LOXHD1: variants seen among roughly 807,000 people sequenced by gnomAD.
LOXHD1 encodes lipoxygenase homology domain-containing protein 1.
Under a neutral mutation model 248.2 loss-of-function variants are expected in LOXHD1, and 205 were observed. The observed-to-expected ratio is 0.83, with a 90% CI of 0.74 to 0.93. LOXHD1 has a LOEUF of 0.93. LOXHD1 is among the 40% of genes least tolerant of loss of function. The pLI is 0.00. For synonymous variants in LOXHD1, 1,113 were observed against 1,162.8 expected, an observed-to-expected ratio of 0.96 and a Z score of 0.87; for missense variants, 2,930 against 2,971.6, an observed-to-expected ratio of 0.99 and a Z score of 0.33.
chr18:46,538,180 C>T lies in LOXHD1; in HGVS notation c.4071G>A (p.Lys1357=). 6.5e-7 allele frequency: 1 copy of T among 1,532,956 alleles called. No individual in the cohort carries two copies. The highest frequency in any genetic ancestry group is 8.8e-7 in the Non-Finnish European group (1 of 1,131,034). The allele number at this position is 1,532,956 out of a possible 1,614,324, so 95.0% of individuals were successfully genotyped here. Residue 1357 remains lysine, a synonymous_variant, in exon 26 of 41, where the codon AAG becomes AAA. Coordinates refer to ENST00000642948, the MANE Select transcript of LOXHD1 (RefSeq NM_001384474.1). ...KREQKQFFER[K]SASRFIVELE... ...CCTCTACGATGAAGCGGGAGGCAGA[C>T]TTCCTCTCAAAGAACTGCTTCTGTT...
At chr18:46,536,969 A>G (rs2036340420) in intron 26 of LOXHD1, among the ~76,000 whole-genome samples, 1 of 152,102 alleles carries the variant, frequency 6.6e-6, no homozygotes, top group Non-Finnish European at 1.5e-5. Context: ...GTCTTGCTTC[A>G]TTATTGCCAT....
chr18:46,490,083 G>T (rs1326580978), intron 37 of LOXHD1, among the ~76,000 whole-genome samples: 1 of 152,206 alleles, frequency 6.6e-6, no homozygotes, highest in Non-Finnish European at 1.5e-5. Context: ...TGTGACAGCT[G>T]CATGCTCTTT....
At chr18:46,604,377 A>G (rs2038383102) in intron 6 of LOXHD1, 148 bp from the exon 7 acceptor site, 1 of 1,102,572 alleles carries the variant, frequency 9.1e-7, no homozygotes, top group Non-Finnish European at 1.3e-6. Context: ...TCACAAGGAC[A>G]CAACTGTGTC....
At chr18:46,529,785 T>C (rs1282066732) in intron 28 of LOXHD1, among the ~76,000 whole-genome samples, 1 of 152,116 alleles carries the variant, frequency 6.6e-6, no homozygotes, top group African/African-American at 2.4e-5. Context: ...GAAAATATTT[T>C]GTAAAGAACA....
At chr18:46,617,955 C>G (rs949505372) in intron 5 of LOXHD1, among the ~76,000 whole-genome samples, 3 of 152,164 alleles carry the variant, frequency 2.0e-5, no homozygotes, top group Non-Finnish European at 4.4e-5. Context: ...TTGCAATCAA[C>G]CCACACACCA....
At chr18:46,611,677 A>G (rs1364776414) in intron 5 of LOXHD1, among the ~76,000 whole-genome samples, 1 of 152,190 alleles carries the variant, frequency 6.6e-6, no homozygotes, top group Non-Finnish European at 1.5e-5. Context: ...TACAGAAAAT[A>G]ATATAAGACA....
chr18:46,577,583 T>C, intron 14 of LOXHD1, 124 bp downstream of exon 14: 1 of 1,132,744 alleles, frequency 8.8e-7, no homozygotes, highest in Non-Finnish European at 1.2e-6. Flanking sequence ...ACCTCTTTCT[T>C]GCACCAGCTA....
intron 12 of LOXHD1, among the ~76,000 whole-genome samples, chr18:46,588,187 G>A (rs968636589): frequency 1.3e-5 from 2 of 151,944 alleles, no homozygotes; most frequent in Non-Finnish European, 2.9e-5. Flanking sequence ...TTGTAGAGGT[G>A]AGTGAGGACA....
In LOXHD1 at chr18:46,545,395, T is replaced by A; in HGVS notation, c.3541A>T (p.Ile1181Leu). The stretch of plus-strand genomic sequence containing the variant: ...GCATTCTTCTTAACCCCAGTCTTTA[T>A]GGTCACTGAGAATGTGGTAGATTTA... ...KDKSTTFSVT[I>L]KTGVKKNAGT... Residue 1181 changes from isoleucine (I) to leucine (L), a missense_variant, in exon 23 of 41, where the codon ATA (isoleucine) becomes TTA (leucine). Physicochemically the swap from Ile to Leu is conservative, Grantham distance 5 (BLOSUM62 2). Transcript: ENST00000642948. 6.4e-7 allele frequency: 1 copy of A among 1,552,054 alleles called. No homozygotes were observed. The highest frequency in any genetic ancestry group is 8.7e-7 in the Non-Finnish European group (1 of 1,146,952).
At position 46,600,437 on chromosome 18, in the gene LOXHD1, A is replaced by G. The variant is rs544946937; in HGVS notation, c.1134+780T>C. On this transcript the variant is annotated intron_variant, in intron 8 of 40. Transcript: ENST00000642948. The stretch of plus-strand genomic sequence containing the variant: ...AACATGGTGAAACCCCATCTCTACT[A>G]AAAATACAAAATTAGCCAGGCATGG... 1.2e-4 allele frequency among the ~76,000 whole-genome samples: 18 copies of G among 152,206 alleles called. No homozygotes were observed. In the East Asian group the frequency reaches 3.3e-3, roughly 28 times the overall value.
At chr18:46,588,409 T>C (rs753354525) in intron 12 of LOXHD1, among the ~76,000 whole-genome samples, 41 of 152,276 alleles carry the variant, frequency 2.7e-4, no homozygotes, top group Non-Finnish European at 4.3e-4. Flanking sequence ...GATTTTTTAA[T>C]AGCATCACAG....
At chr18:46,547,661 G>T (rs1031772071) in intron 21 of LOXHD1, among the ~76,000 whole-genome samples, 2 of 152,096 alleles carry the variant, frequency 1.3e-5, no homozygotes, top group Non-Finnish European at 2.9e-5. Flanking sequence ...GGGATGGGAG[G>T]CACAGTGGGG....
intron 17 of LOXHD1, among the ~76,000 whole-genome samples, chr18:46,564,121 C>T (rs1039347450): frequency 6.6e-5 from 10 of 151,010 alleles, no homozygotes; most frequent in South Asian, 2.1e-4. Flanking sequence ...TGTGTGTGCA[C>T]GCACACACGC....
intron 27 of LOXHD1, chr18:46,533,780 G>C (rs2036183988): frequency 3.5e-6 from 1 of 286,150 alleles, no homozygotes; most frequent in South Asian, 3.0e-5. Context: ...ATAAAAATTA[G>C]TCGGGCGTGG....
chr18:46,550,139 C>A (rs116601857), intron 21 of LOXHD1, among the ~76,000 whole-genome samples: 2,383 of 152,310 alleles, frequency 0.016, 69 homozygotes, highest in African/African-American at 0.05. Flanking sequence ...AGACAACGTA[C>A]TCCCAAATAT....
chr18:46,611,802 G>C (rs1341656747), intron 5 of LOXHD1, among the ~76,000 whole-genome samples: 2 of 152,062 alleles, frequency 1.3e-5, no homozygotes, highest in Non-Finnish European at 2.9e-5. Flanking sequence ...TATGTCTAAG[G>C]CCTCACTGTC....
chr18:46,511,650 G>T (rs376031849), intron 34 of LOXHD1, among the ~76,000 whole-genome samples: 1 of 152,198 alleles, frequency 6.6e-6, no homozygotes, highest in African/African-American at 2.4e-5. Context: ...AGAATTTTTG[G>T]CATTGCTACA....
chr18:46,550,384 T>C lies in LOXHD1; in HGVS notation c.3351-3326A>G, dbSNP rs1445312477. On this transcript the variant is annotated intron_variant, in intron 21 of 40. Coordinates refer to ENST00000642948, the MANE Select transcript of LOXHD1 (RefSeq NM_001384474.1). ...GTCAGGAGATCGAGACCATCCTGGC[T>C]AACAAGGTGAAACCCCGTCTCTACT... is the stretch of plus-strand genomic sequence containing the variant. Among the ~76,000 whole-genome samples, 23 of 151,346 alleles carry C rather than the reference T, an allele frequency of 1.5e-4. No homozygotes were observed. In the East Asian group the frequency reaches 4.3e-3, roughly 28 times the overall value.
chr18:46,508,651 A>T (rs2143936781), intron 35 of LOXHD1, among the ~76,000 whole-genome samples: 1 of 152,350 alleles, frequency 6.6e-6, no homozygotes, highest in Admixed American at 6.5e-5. Context: ...TACATTATGT[A>T]AGGAGGACTG....
Sources: allele counts gnomAD v4.1 joint callset (sites outside exome capture counted in the v4.1 genomes callset), GRCh38; gene constraint gnomAD v4.1.1; transcripts MANE v1.5; gene names NCBI Gene and HGNC (gene_info 2026-07-23, HGNC 2026-07-21).